Variants in ACACB observed in about 807,000 individuals in gnomAD.
The protein encoded by ACACB is acetyl-CoA carboxylase beta.
ACACB carries 209 observed loss-of-function variants against 278.8 expected under a neutral mutation model. That is an observed-to-expected ratio of 0.75 (90% CI 0.67 to 0.84). The LOEUF (loss-of-function observed/expected upper bound fraction) is 0.84. Among genes scored for constraint, ACACB ranks in the 40% least tolerant of loss-of-function variants. The probability of loss-of-function intolerance (pLI) is 0.00; values close to 1 mark genes in which losing one functional copy is unlikely to be tolerated. For synonymous variants in ACACB, 1,174 were observed against 1,285.6 expected, an observed-to-expected ratio of 0.91 and a Z score of 1.86; for missense variants, 2,850 against 3,269.0, an observed-to-expected ratio of 0.87 and a Z score of 3.13.
intron 45 of ACACB, among the ~76,000 whole-genome samples, chr12:109,257,319 TA>T (rs537031911): frequency 0.024 from 3,285 of 138,364 alleles, 76 homozygotes; most frequent in African/African-American, 0.059. Context: ...AAGCAAAAAA[TA>T]AAAAAAAAAA....
intron 51 of ACACB, 26 bp downstream of exon 51, chr12:109,265,306 G>T: frequency 6.2e-7 from 1 of 1,611,622 alleles, no homozygotes; most frequent in Non-Finnish European, 8.5e-7. Flanking sequence ...GAACGAGGCC[G>T]GTGAGCACAG....
At chr12:109,253,188 T>G in intron 43 of ACACB, 30 bp downstream of exon 43, 1 of 1,512,502 alleles carries the variant, frequency 6.6e-7, no homozygotes, top group Admixed American at 2.0e-5. Context: ...GCTTAGAACC[T>G]GGAAGACTCT....
rs73398040 is a variant in ACACB at position 109,189,435 on chromosome 12, C to T, written c.2144+1273C>T. On this transcript the variant is annotated intron_variant, in intron 13 of 52. Coordinates refer to ENST00000338432, the MANE Select transcript of ACACB (RefSeq NM_001093.4). ...CCCAGACCCCTCCGAGTGAAGTGAC[C>T]TGTGGCTTGTCACATGCTACGAGTG... is the stretch of plus-strand genomic sequence containing the variant. 7.9e-3 allele frequency among the ~76,000 whole-genome samples: 1,207 copies of T among 152,282 alleles called. 28 individuals carry two copies. The highest frequency in any genetic ancestry group is 0.027 in the African/African-American group (1,129 of 41,538).
Position 109,260,121 on chromosome 12 carries a change from A to T in ACACB, c.6497-359A>T, listed in dbSNP as rs754191295. The T allele has an allele frequency of 2.9e-6, 4 of 1,378,570 alleles. No individual in the cohort carries two copies. In the South Asian group the frequency reaches 4.5e-5, roughly 16 times the overall value. 85.4% of individuals were successfully genotyped at this position (1,378,570 alleles called of 1,614,324 possible). A position where few individuals can be genotyped will look rare whatever the true frequency, so the allele number is the denominator to read the frequency against. On this transcript the variant is annotated intron_variant, in intron 47 of 52. Coordinates refer to ENST00000338432, the MANE Select transcript of ACACB (RefSeq NM_001093.4). ...GTGGAAGATAAGGGCCATGTTGCCC[A>T]TGCACATTGGGGAAGGATCAGTGTG...
chr12:109,241,597 C>A, intron 36 of ACACB: 1 of 345,972 alleles, frequency 2.9e-6, no homozygotes. Context: ...ATCTGCCCGC[C>A]TCGACCTCCA....
intron 33 of ACACB, among the ~76,000 whole-genome samples, chr12:109,236,828 G>T (rs886776510): frequency 6.6e-6 from 1 of 151,634 alleles, no homozygotes; most frequent in Non-Finnish European, 1.5e-5. Flanking sequence ...GGGGTTAGTG[G>T]CTTCATGAGA....
intron 47 of ACACB, among the ~76,000 whole-genome samples, 170 bp from the exon 48 acceptor site, chr12:109,260,310 G>A (rs1450505404): frequency 5.3e-5 from 8 of 152,174 alleles, no homozygotes; most frequent in South Asian, 2.1e-4. Context: ...TGACCTGTTC[G>A]AGGTCACACA....
chr12:109,167,027 C>T (rs770350578), intron 3 of ACACB, 34 bp downstream of exon 3: 226 of 1,612,286 alleles, frequency 1.4e-4, no homozygotes, highest in Non-Finnish European at 1.7e-4. Flanking sequence ...GGGTGGGGTC[C>T]GATTGGGGTG....
intron 4 of ACACB, among the ~76,000 whole-genome samples, chr12:109,171,242 A>G (rs1357199843): frequency 6.6e-6 from 1 of 152,134 alleles, no homozygotes; most frequent in African/African-American, 2.4e-5. Context: ...CAGTCTGTTG[A>G]CAGATTACTT....
intron 24 of ACACB, among the ~76,000 whole-genome samples, chr12:109,220,187 G>A (rs1364366900): frequency 6.6e-6 from 1 of 152,158 alleles, no homozygotes; most frequent in Non-Finnish European, 1.5e-5. Flanking sequence ...ACATTTTCCT[G>A]GACCTCCTTG....
rs779130448 is a variant in ACACB, at chr12:109,185,757, C to G, written c.1980+17C>G. On this transcript the variant is annotated intron_variant, in intron 12 of 52. Coordinates refer to ENST00000338432, the MANE Select transcript of ACACB (RefSeq NM_001093.4). ...CCAGACGAGGCAAGTTATGGGGGCC[C>G]CTGTGTTTCCACCATCTCAGATCTC... 3.1e-6 allele frequency: 5 copies of G among 1,598,012 alleles called. No homozygotes were observed. Among genetic ancestry groups the G allele is most frequent in the Non-Finnish European group, 4.3e-6 (5 of 1,170,476 alleles).
intron 17 of ACACB, among the ~76,000 whole-genome samples, chr12:109,199,189 C>CAA (rs895607528): frequency 2.1e-5 from 3 of 144,162 alleles, no homozygotes; most frequent in African/African-American, 7.6e-5. Context: ...GACTCCGTCT[C>CAA]AAAAAAAAAA....
At chr12:109,196,651 T>C (rs934151907) in intron 16 of ACACB, among the ~76,000 whole-genome samples, 1 of 152,314 alleles carries the variant, frequency 6.6e-6, no homozygotes, top group East Asian at 1.9e-4. Context: ...CCATTGCACC[T>C]GGCTGCTGGT....
intron 2 of ACACB, among the ~76,000 whole-genome samples, chr12:109,148,743 C>CACAAAAA (rs1264749477): frequency 2.6e-5 from 4 of 152,022 alleles, no homozygotes; most frequent in African/African-American, 4.8e-5. Context: ...TAGTTCCTGG[C>CACAAAAA]ATATAGTAAG....
rs2043067994 is a variant in ACACB, at chr12:109,140,189, G to A, written c.653+131G>A. On this transcript the variant is annotated intron_variant, in intron 2 of 52. Coordinates refer to ENST00000338432, the MANE Select transcript of ACACB (RefSeq NM_001093.4). ...GCTTCAAGGGTGGCTATGCACAAAA[G>A]GAGAAGACACGAGCCTTCTCAGAAG... is the stretch of plus-strand genomic sequence containing the variant. The A allele has an allele frequency of 4.7e-6, 4 of 848,974 alleles. No individual in the cohort carries two copies. The African/African-American group carries it at 6.9e-5, about 15-fold the overall frequency. The allele number at this position is 848,974 out of a possible 1,614,324, so 52.6% of individuals were successfully genotyped here.
intron 27 of ACACB, among the ~76,000 whole-genome samples, chr12:109,227,020 A>G (rs2046332101): frequency 6.6e-6 from 1 of 151,734 alleles, no homozygotes; most frequent in East Asian, 1.9e-4. Flanking sequence ...GTGCTATCAT[A>G]GCTCATTGCA....
In ACACB at chr12:109,179,117, C is replaced by T. The variant is rs555723310; in HGVS notation, c.1467C>T (p.Ile489=). The change falls in exon 10 of 53, where the codon ATC becomes ATT. Residue 489 remains isoleucine, a synonymous_variant. Coordinates refer to ENST00000338432, the MANE Select transcript of ACACB (RefSeq NM_001093.4). ...QVQSEIPGSP[I]FLMKLAQHAR... ...AGAGTGAGATCCCAGGCTCGCCCAT[C>T]TTTCTCATGAAGCTGGCCCAGCACG... is the stretch of plus-strand genomic sequence containing the variant. The T allele has an allele frequency of 3.1e-6, 5 of 1,613,630 alleles. No homozygotes were observed.
At chr12:109,222,979 G>A in intron 26 of ACACB, 67 bp downstream of exon 26, 1 of 1,270,506 alleles carries the variant, frequency 7.9e-7, no homozygotes, top group Non-Finnish European at 1.1e-6. Context: ...GGGCCTCTGG[G>A]GAAACGGCTC....
chr12:109,166,373 C>A (rs2136152172), intron 2 of ACACB, among the ~76,000 whole-genome samples: 1 of 152,150 alleles, frequency 6.6e-6, no homozygotes, highest in East Asian at 1.9e-4. Flanking sequence ...AGTTCATGTG[C>A]TGGTACCTTA....
Sources: gnomAD v4.1 joint callset for allele counts (sites outside exome capture counted in the v4.1 genomes callset) on GRCh38, gnomAD v4.1.1 for gene constraint, MANE v1.5 for transcripts, NCBI Gene and HGNC (gene_info 2026-07-23, HGNC 2026-07-21) for gene names.